Variants in TIMM23 observed in about 807,000 individuals in gnomAD.
The protein encoded by TIMM23 is translocase of inner mitochondrial membrane 23.
A neutral mutation model predicts 30.7 loss-of-function variants in TIMM23; 19 were observed. The observed-to-expected ratio is 0.62, with a 90% CI of 0.43 to 0.91. The LOEUF is 0.91. Ranked by LOEUF, TIMM23 falls within the 40% of genes least tolerant of loss-of-function variation. TIMM23 has a pLI of 0.00. For missense variants in TIMM23, 202 were observed against 269.2 expected (o/e 0.75, Z 1.75); for synonymous variants, 78 against 98.5 (o/e 0.79, Z 1.23).
intron 2 of TIMM23, among the ~76,000 whole-genome samples, chr10:45,978,479 C>T (rs1161540510): frequency 6.6e-6 from 1 of 152,010 alleles, no homozygotes; most frequent in Non-Finnish European, 1.5e-5. Flanking sequence ...AAAATAATTA[C>T]AAAATGGGCA....
intron 4 of TIMM23, 40 bp from the exon 5 acceptor site, chr10:45,985,343 T>C: frequency 6.2e-7 from 1 of 1,612,052 alleles, no homozygotes; most frequent in Non-Finnish European, 8.5e-7. Context: ...AGAGAAATAA[T>C]GATTCTAAAT....
At chr10:45,997,454 G>A (rs930104792) in intron 6 of TIMM23, among the ~76,000 whole-genome samples, 1 of 152,178 alleles carries the variant, frequency 6.6e-6, no homozygotes, top group Non-Finnish European at 1.5e-5. Flanking sequence ...CTGGGATGGG[G>A]TGTAGTTATT....
intron 2 of TIMM23, among the ~76,000 whole-genome samples, chr10:45,977,001 AC>A (rs1837692669): frequency 6.6e-6 from 1 of 152,106 alleles, no homozygotes; most frequent in South Asian, 2.1e-4. Flanking sequence ...AAATGAAATT[AC>A]AAAAAACAGT....
chr10:45,980,967 T>G (rs1405718152), intron 2 of TIMM23, among the ~76,000 whole-genome samples: 1 of 143,342 alleles, frequency 7.0e-6, no homozygotes, highest in Non-Finnish European at 1.5e-5. Context: ...GGAGATGGAG[T>G]CTCGCTCTGT....
intron 6 of TIMM23, among the ~76,000 whole-genome samples, chr10:46,000,332 ATCT>A (rs754587316): frequency 6.1e-4 from 93 of 152,218 alleles, no homozygotes; most frequent in Non-Finnish European, 1.2e-3. Flanking sequence ...TGTCCATGAA[ATCT>A]TCACAATCCA....
At chr10:45,999,506 CCAG>C (rs1267589383) in intron 6 of TIMM23, among the ~76,000 whole-genome samples, 1 of 152,018 alleles carries the variant, frequency 6.6e-6, no homozygotes, top group Non-Finnish European at 1.5e-5. Flanking sequence ...GCCGCAAAAA[CCAG>C]CAAGTTTTTA....
chr10:45,998,576 G>A (rs1196244099), intron 6 of TIMM23, among the ~76,000 whole-genome samples: 1 of 152,132 alleles, frequency 6.6e-6, no homozygotes, highest in African/African-American at 2.4e-5. Flanking sequence ...AACCAATTGG[G>A]AAACCCTGGA....
rs1838158963 is a variant in TIMM23, at chr10:45,991,423, G to C, written c.514+2576G>C. On this transcript the variant is annotated intron_variant, in intron 6 of 6. Transcript: ENST00000580018. The stretch of plus-strand genomic sequence containing the variant: ...TCAAAATGGTCCAGGAAAAGTATTA[G>C]TTGAAGAGATGGTGAGGAAAAGGTT... Among the ~76,000 whole-genome samples, 4 of 152,284 alleles carry C rather than the reference G, an allele frequency of 2.6e-5. No homozygotes were observed. In the South Asian group the frequency reaches 8.3e-4, roughly 32 times the overall value.
chr10:45,999,796 G>C (rs1838464045), intron 6 of TIMM23, among the ~76,000 whole-genome samples: 3 of 152,172 alleles, frequency 2.0e-5, no homozygotes, highest in Non-Finnish European at 4.4e-5. Context: ...CGCTATGGGA[G>C]ACTGGGGTGT....
At chr10:45,972,851 A>G (rs1426039032) in intron 1 of TIMM23, 121 bp downstream of exon 1, 3 of 1,529,228 alleles carry the variant, frequency 2.0e-6, no homozygotes, top group South Asian at 1.2e-5. Flanking sequence ...AAGCTTAAGT[A>G]CCAGTGGTGG....
intron 2 of TIMM23, among the ~76,000 whole-genome samples, chr10:45,979,859 C>A (rs1837792473): frequency 6.6e-6 from 1 of 152,036 alleles, no homozygotes; most frequent in Non-Finnish European, 1.5e-5. Flanking sequence ...TCAGTTTACT[C>A]AAAATTTCAA....
At chr10:45,986,418 G>A (rs1357841966) in intron 5 of TIMM23, among the ~76,000 whole-genome samples, 3 of 76,614 alleles carry the variant, frequency 3.9e-5, no homozygotes, top group African/African-American at 9.5e-5. Context: ...ATCACCCCCC[G>A]CCCACCCCGC....
At position 46,003,242 on chromosome 10, in the gene TIMM23, T is replaced by C; in HGVS notation, c.554T>C (p.Leu185Pro). ...RGIARGGLTG[L>P]TLTSLYALYN... Reference sequence around the variant, plus strand: ...ATAGCACGAGGTGGTCTGACAGGACTAACACTTACCAGCCTCTATGCACTA... The same window carrying C: ...ATAGCACGAGGTGGTCTGACAGGACCAACACTTACCAGCCTCTATGCACTA... Residue 185 changes from leucine to proline, a missense_variant, in exon 7 of 7, where the codon CTA (leucine) becomes CCA (proline). By Grantham distance (98) the Leu-to-Pro change is moderately conservative. Coordinates refer to ENST00000580018, the MANE Select transcript of TIMM23 (RefSeq NM_006327.4). The C allele has an allele frequency of 6.2e-7, 1 of 1,614,202 alleles. No individual in the cohort carries two copies. Among genetic ancestry groups the C allele is most frequent in the Non-Finnish European group, 8.5e-7 (1 of 1,180,010 alleles).
chr10:46,003,306 A>G lies in TIMM23; in HGVS notation c.618A>G (p.Gln206=), dbSNP rs563464629. Residue 206 remains glutamine (Q), a synonymous_variant, in exon 7 of 7, where the codon CAA becomes CAG. Coordinates refer to ENST00000580018, the MANE Select transcript of TIMM23 (RefSeq NM_006327.4). Reference sequence around the variant, plus strand: ...AGCACATGAAAGGCTCCTTGCTCCAACAGTCACTCTGAAGATTTTGCCAAC... The same window carrying G: ...AGCACATGAAAGGCTCCTTGCTCCAGCAGTCACTCTGAAGATTTTGCCAAC... ...NWEHMKGSLL[Q]QSL 40 of 1,613,854 alleles carry G rather than the reference A, an allele frequency of 2.5e-5. No homozygotes were observed. In the East Asian group the frequency reaches 8.7e-4, roughly 35 times the overall value.
chr10:45,988,557 GCTGTTCCAAAGCTGATTCCAGAAC>G (rs1471191607), intron 5 of TIMM23, among the ~76,000 whole-genome samples, 156 bp from the exon 6 acceptor site: 3 of 152,128 alleles, frequency 2.0e-5, no homozygotes, highest in Admixed American at 6.5e-5. Flanking sequence ...TCCCTCTGAA[GCTGTTCCAAAGCTGATTCCAGAAC>G]CAAGGACAAA....
chr10:45,999,138 T>A (rs950828106), intron 6 of TIMM23, among the ~76,000 whole-genome samples: 2 of 152,004 alleles, frequency 1.3e-5, no homozygotes, highest in Non-Finnish European at 2.9e-5. Flanking sequence ...CAGGCCTTTT[T>A]AAAATTTTTT....
At chr10:45,975,890 C>A (rs1554912999) in intron 2 of TIMM23, among the ~76,000 whole-genome samples, 1 of 151,812 alleles carries the variant, frequency 6.6e-6, no homozygotes, top group South Asian at 2.1e-4. Flanking sequence ...CAACCTCAGC[C>A]TCCCAAATTC....
chr10:45,995,239 C>T (rs1387573332), intron 6 of TIMM23, among the ~76,000 whole-genome samples: 2 of 152,004 alleles, frequency 1.3e-5, no homozygotes, highest in African/African-American at 4.8e-5. Flanking sequence ...CAAGAAGGTC[C>T]TTGCCACAGA....
chr10:45,981,582 G>C (rs1837846440), intron 2 of TIMM23, among the ~76,000 whole-genome samples: 1 of 151,880 alleles, frequency 6.6e-6, no homozygotes, highest in African/African-American at 2.4e-5. Context: ...AAAAAACCAA[G>C]GCAGAACCAC....
Sources: allele counts gnomAD v4.1 joint callset (sites outside exome capture counted in the v4.1 genomes callset), GRCh38; gene constraint gnomAD v4.1.1; transcripts MANE v1.5; gene names NCBI Gene and HGNC (gene_info 2026-07-23, HGNC 2026-07-21).